Variants in SH3RF3 observed in about 807,000 individuals in gnomAD.
SH3RF3 encodes the protein SH3 domain containing ring finger 3.
SH3RF3 carries 29 observed loss-of-function variants against 66.3 expected under a neutral mutation model. That is an observed-to-expected ratio of 0.44 (90% CI 0.33 to 0.60). The LOEUF (loss-of-function observed/expected upper bound fraction) is 0.60. Ranked by LOEUF, SH3RF3 falls within the 20% of genes least tolerant of loss-of-function variation. The pLI is 0.04. For missense variants in SH3RF3, 1,194 were observed against 1,190.9 expected, an observed-to-expected ratio of 1.00 and a Z score of -0.04; for synonymous variants, 583 against 532.0, an observed-to-expected ratio of 1.10 and a Z score of -1.32.
intron 1 of SH3RF3, among the ~76,000 whole-genome samples, chr2:109,273,725 G>A (rs1240070942): frequency 1.3e-5 from 2 of 152,190 alleles, no homozygotes; most frequent in Non-Finnish European, 2.9e-5. Flanking sequence ...TTGCAGGGTA[G>A]GAGTCACATT....
chr2:109,308,329 T>C (rs1470836639), intron 1 of SH3RF3, among the ~76,000 whole-genome samples: 3 of 116,402 alleles, frequency 2.6e-5, no homozygotes, highest in African/African-American at 4.5e-5. Flanking sequence ...ATTAGCCCTT[T>C]GTCAGATGAG....
At chr2:109,188,759 G>T (rs114335876) in intron 1 of SH3RF3, among the ~76,000 whole-genome samples, 2 of 152,104 alleles carry the variant, frequency 1.3e-5, no homozygotes, top group African/African-American at 4.8e-5. Context: ...AGACACCATC[G>T]CAGAAGCCAA....
chr2:109,337,027 C>G (rs1046018493), intron 1 of SH3RF3, among the ~76,000 whole-genome samples: 1 of 152,202 alleles, frequency 6.6e-6, no homozygotes, highest in African/African-American at 2.4e-5. Context: ...ATTAGGTATG[C>G]TTTGATTCAG....
Position 109,449,367 on chromosome 2 carries a change from A to T in SH3RF3, c.2026A>T (p.Thr676Ser). The T allele has an allele frequency of 6.2e-7, 1 of 1,609,536 alleles. No individual in the cohort carries two copies. The highest frequency in any genetic ancestry group is 8.5e-7 in the Non-Finnish European group (1 of 1,177,688). Residue 676 changes from threonine to serine, a missense_variant, in exon 8 of 10, where the codon ACA (threonine) becomes TCA (serine). Coordinates refer to ENST00000309415, the MANE Select transcript of SH3RF3 (RefSeq NM_001099289.3). ...CCTCACATCAGCAGCATCAGCCATC[A>T]CACCTCCCAACGTCAGTGCCGCAAA... Reference protein sequence around the residue: ...IPLTSAASAITPPNVSAANLN... With the variant: ...IPLTSAASAISPPNVSAANLN...
chr2:109,267,904 C>T (rs907129135), intron 1 of SH3RF3, among the ~76,000 whole-genome samples: 4 of 129,536 alleles, frequency 3.1e-5, no homozygotes, highest in Non-Finnish European at 6.4e-5. Flanking sequence ...TGCTGCAGCA[C>T]AGCCACACTC....
At chr2:109,429,226 G>A (rs1208123241) in intron 5 of SH3RF3, among the ~76,000 whole-genome samples, 1 of 152,058 alleles carries the variant, frequency 6.6e-6, no homozygotes, top group Admixed American at 6.5e-5. Flanking sequence ...CCCCCACCCG[G>A]GCCAAGGCCC....
At chr2:109,445,027 A>G (rs1677668691) in intron 7 of SH3RF3, among the ~76,000 whole-genome samples, 1 of 152,250 alleles carries the variant, frequency 6.6e-6, no homozygotes, top group Admixed American at 6.5e-5. Context: ...GAAATTTTGG[A>G]GAGGAAAAAT....
intron 3 of SH3RF3, among the ~76,000 whole-genome samples, chr2:109,377,028 C>CA (rs1370952298): frequency 6.6e-6 from 1 of 152,230 alleles, no homozygotes; most frequent in East Asian, 1.9e-4. Context: ...GAGAGCCGCT[C>CA]AGAGTCCGGG....
chr2:109,419,348 C>T (rs1013133443), intron 4 of SH3RF3, among the ~76,000 whole-genome samples, 191 bp from the exon 5 acceptor site: 1 of 152,194 alleles, frequency 6.6e-6, no homozygotes, highest in African/African-American at 2.4e-5. Flanking sequence ...TGAAAATCAC[C>T]TCAGGGCAGG....
intron 1 of SH3RF3, among the ~76,000 whole-genome samples, chr2:109,134,555 G>A (rs34341002): frequency 0.2 from 30,802 of 152,104 alleles, 3,905 homozygotes; most frequent in Middle Eastern, 0.36. Context: ...AGGGTTGAGC[G>A]GTGTTTTAAG....
intron 1 of SH3RF3, among the ~76,000 whole-genome samples, chr2:109,322,925 C>T (rs1194926036): frequency 6.6e-6 from 1 of 152,144 alleles, no homozygotes; most frequent in Non-Finnish European, 1.5e-5. Context: ...TTTTCCCTGG[C>T]TAGATTGGAA....
At chr2:109,222,053 G>A (rs1204851794) in intron 1 of SH3RF3, among the ~76,000 whole-genome samples, 2 of 152,046 alleles carry the variant, frequency 1.3e-5, no homozygotes, top group South Asian at 2.1e-4. Context: ...CAGCAACATG[G>A]ATGAAACTGC....
chr2:109,371,742 T>C lies in SH3RF3; in HGVS notation c.945+61T>C, dbSNP rs1683277468. 6 of 1,433,528 alleles carry C rather than the reference T, an allele frequency of 4.2e-6. No individual in the cohort carries two copies. The Admixed American group carries it at 7.4e-5, about 18-fold the overall frequency. The allele number at this position is 1,433,528 out of a possible 1,614,324, so 88.8% of individuals were successfully genotyped here. A position where few individuals can be genotyped will look rare whatever the true frequency, so the allele number is the denominator to read the frequency against. On this transcript the variant is annotated intron_variant, in intron 3 of 9. Coordinates refer to ENST00000309415, the MANE Select transcript of SH3RF3 (RefSeq NM_001099289.3). ...CTTGCCCACCCTTGTTTCACTACAG[T>C]GGGGTCACCTGACCTTCAAGCCCCT...
chr2:109,462,993 T>C (rs1252083068), intron 8 of SH3RF3, among the ~76,000 whole-genome samples: 1 of 152,228 alleles, frequency 6.6e-6, no homozygotes, highest in African/African-American at 2.4e-5. Flanking sequence ...TAGATCCCTT[T>C]GGGGAAGCCT....
At chr2:109,239,109 C>A (rs777097707) in intron 1 of SH3RF3, among the ~76,000 whole-genome samples, 1 of 152,192 alleles carries the variant, frequency 6.6e-6, no homozygotes, top group Non-Finnish European at 1.5e-5. Flanking sequence ...GTCCAAGACA[C>A]GTCTTTTCCG....
rs111581075 is a variant in SH3RF3, at chr2:109,167,189, G to A, written c.573+37076G>A. Among the ~76,000 whole-genome samples the A allele has an allele frequency of 6.6e-3, 1,011 of 152,238 alleles. 11 individuals carry two copies. The highest frequency in any genetic ancestry group is 0.023 in the African/African-American group (946 of 41,524). On this transcript the variant is annotated intron_variant, in intron 1 of 9. Transcript: ENST00000309415. ...ATTTTTCCATTTTTTCCAGAACCAG[G>A]ATAGCCATATTTTTAAAAAGGATGA...
chr2:109,493,143 A>G (rs1475882501), intron 9 of SH3RF3, among the ~76,000 whole-genome samples: 2 of 139,640 alleles, frequency 1.4e-5, no homozygotes, highest in Admixed American at 7.6e-5. Context: ...CCCCACATAC[A>G]TCATACAAAA....
chr2:109,129,441 G>T lies in SH3RF3; in HGVS notation c.-100G>T. ...AGCCGGGGTGAAGAAAGTCACGGCGGAGCCCGGCTCCCCAGTCCTGATGCT... is the reference window on the plus strand; with the variant it reads ...AGCCGGGGTGAAGAAAGTCACGGCGTAGCCCGGCTCCCCAGTCCTGATGCT... On this transcript the variant is annotated 5_prime_UTR_variant, in exon 1 of 10. Coordinates refer to ENST00000309415, the MANE Select transcript of SH3RF3 (RefSeq NM_001099289.3). The T allele has an allele frequency of 6.7e-7, 1 of 1,490,400 alleles. No individual in the cohort carries two copies. Among genetic ancestry groups the T allele is most frequent in the Admixed American group, 2.1e-5 (1 of 48,354 alleles). The allele number at this position is 1,490,400 out of a possible 1,614,324, so 92.3% of individuals were successfully genotyped here.
intron 1 of SH3RF3, among the ~76,000 whole-genome samples, chr2:109,283,958 C>T (rs1335310465): frequency 6.6e-6 from 1 of 152,220 alleles, no homozygotes; most frequent in Non-Finnish European, 1.5e-5. Context: ...CGCCTCCCTC[C>T]TGTCCCCACA....
Sources: allele counts gnomAD v4.1 joint callset (sites outside exome capture counted in the v4.1 genomes callset), GRCh38; gene constraint gnomAD v4.1.1; transcripts MANE v1.5; gene names NCBI Gene and HGNC (gene_info 2026-07-23, HGNC 2026-07-21).